ATP6V1C2: variants seen among roughly 807,000 people sequenced by gnomAD.
ATP6V1C2 encodes V-type proton ATPase subunit C 2.
In ATP6V1C2, 45 loss-of-function variants were observed where a neutral mutation model predicts 56.8. The observed-to-expected ratio is 0.79, with a 90% confidence interval of 0.62 to 1.02. ATP6V1C2 has a LOEUF of 1.02. Among genes scored for constraint, ATP6V1C2 ranks in the 50% least tolerant of loss-of-function variants. The pLI, the probability that ATP6V1C2 is intolerant of heterozygous loss-of-function variation, is 0.00. For missense variants in ATP6V1C2, 463 were observed against 519.7 expected (o/e 0.89, Z 1.06); for synonymous variants, 220 against 201.3 (o/e 1.09, Z -0.79).
chr2:10,779,856 A>C (rs1207920110), intron 12 of ATP6V1C2, among the ~76,000 whole-genome samples: 1 of 151,990 alleles, frequency 6.6e-6, no homozygotes, highest in Non-Finnish European at 1.5e-5. Flanking sequence ...ATGAATAGAT[A>C]CGTAATTCTT....
chr2:10,761,515 ACC>A lies in ATP6V1C2; in HGVS notation c.284-2815_284-2814del, dbSNP rs1374641881. 2.0e-5 allele frequency among the ~76,000 whole-genome samples: 3 copies of A among 152,270 alleles called. No individual in the cohort carries two copies. The East Asian group carries it at 5.8e-4, about 29-fold the overall frequency. ...GGTCATTCCCATTGTGTGTGGCAAT[ACC>A]AAAGCCTGTATTAATACCCAAACTA... On this transcript the variant is annotated intron_variant, in intron 4 of 13. Transcript: ENST00000272238.
chr2:10,767,159 C>CTTTTTTTTTTTT (rs33943682), intron 5 of ATP6V1C2, among the ~76,000 whole-genome samples: 76 of 109,284 alleles, frequency 7.0e-4, no homozygotes, highest in Middle Eastern at 7.4e-3. Flanking sequence ...CATTTTTTAT[C>CTTTTTTTTTTTT]TTTTTTTTTT....
At chr2:10,764,999 G>A (rs1471306391) in intron 5 of ATP6V1C2, among the ~76,000 whole-genome samples, 1 of 151,982 alleles carries the variant, frequency 6.6e-6, no homozygotes, top group East Asian at 1.9e-4. Context: ...AGTTACTGAT[G>A]GTGAAGGCAG....
At position 10,772,474 on chromosome 2, in the gene ATP6V1C2, C is replaced by T. The variant is rs935618008; in HGVS notation, c.570-68C>T. 25 of 1,344,442 alleles carry T rather than the reference C, an allele frequency of 1.9e-5. No individual in the cohort carries two copies. The African/African-American group carries it at 3.2e-4, about 17-fold the overall frequency. The allele number at this position is 1,344,442 out of a possible 1,614,324, so 83.3% of individuals were successfully genotyped here. A position where few individuals can be genotyped will look rare whatever the true frequency, so the allele number is the denominator to read the frequency against. The stretch of plus-strand genomic sequence containing the variant: ...CTTCAGGAAAAGGGGTGTGCAGCTT[C>T]CTAGGCACTCAGGACACCCACGAGC... On this transcript the variant is annotated intron_variant, in intron 7 of 13. Coordinates refer to ENST00000272238, the MANE Select transcript of ATP6V1C2 (RefSeq NM_001039362.2).
intron 8 of ATP6V1C2, among the ~76,000 whole-genome samples, chr2:10,774,193 G>A (rs1172580782): frequency 2.0e-5 from 3 of 152,244 alleles, no homozygotes; most frequent in Admixed American, 2.0e-4. Context: ...AACAGGAAGG[G>A]TGACCCTGCC....
At chr2:10,782,603 CG>C (rs1665437522) in intron 13 of ATP6V1C2, among the ~76,000 whole-genome samples, 1 of 151,832 alleles carries the variant, frequency 6.6e-6, no homozygotes, top group African/African-American at 2.4e-5. Flanking sequence ...GAGGCCAAGG[CG>C]GGTGGATCAC....
intron 10 of ATP6V1C2, among the ~76,000 whole-genome samples, chr2:10,776,980 T>A (rs1665034579): frequency 6.6e-6 from 1 of 152,226 alleles, no homozygotes; most frequent in Non-Finnish European, 1.5e-5. Context: ...TAGAAGTGCA[T>A]GACCAAACGT....
At chr2:10,744,246 C>T (rs1390090780) in intron 3 of ATP6V1C2, 2 of 152,094 alleles carry the variant, frequency 1.3e-5, no homozygotes, top group African/African-American at 4.8e-5. Flanking sequence ...CAGAACCAAC[C>T]CTTGCCTGCA....
intron 4 of ATP6V1C2, among the ~76,000 whole-genome samples, chr2:10,760,083 G>C (rs1013793117): frequency 7.2e-5 from 10 of 139,018 alleles, no homozygotes; most frequent in Non-Finnish European, 1.2e-4. Flanking sequence ...ATTTTAAAAA[G>C]CAAGATCTGG....
Position 10,754,109 on chromosome 2 carries a change from T to C in ATP6V1C2, c.283+43T>C, listed in dbSNP as rs538693888. On this transcript the variant is annotated intron_variant, in intron 4 of 13. Transcript: ENST00000272238. ...CTGATGTGGAGCACAATCTCCCCGC[T>C]CCCTCTAGACCAGAGTCGTCCTTGC... The C allele has an allele frequency of 3.2e-4, 492 of 1,518,760 alleles. 9 individuals carry two copies. The South Asian group carries it at 5.5e-3, about 17-fold the overall frequency. The allele number at this position is 1,518,760 out of a possible 1,614,324, so 94.1% of individuals were successfully genotyped here.
At chr2:10,739,674 G>A (rs1662440162) in intron 3 of ATP6V1C2, among the ~76,000 whole-genome samples, 1 of 152,108 alleles carries the variant, frequency 6.6e-6, no homozygotes, top group Admixed American at 6.6e-5. Flanking sequence ...GCATTCCACA[G>A]CCCACTATTA....
At chr2:10,726,590 T>C (rs1426711989) in intron 3 of ATP6V1C2, 21 bp downstream of exon 3, 1 of 1,590,628 alleles carries the variant, frequency 6.3e-7, no homozygotes, top group South Asian at 1.1e-5. Context: ...CCTTATTTAC[T>C]ACATACAAGT....
At chr2:10,764,210 C>T in intron 4 of ATP6V1C2, 121 bp from the exon 5 acceptor site, 2 of 822,280 alleles carry the variant, frequency 2.4e-6, no homozygotes, top group East Asian at 2.6e-5. Flanking sequence ...TGCCTGCCCG[C>T]CGGCGTTGCC....
chr2:10,734,999 AC>A (rs1263882130), intron 3 of ATP6V1C2, among the ~76,000 whole-genome samples: 1 of 151,938 alleles, frequency 6.6e-6, no homozygotes. Flanking sequence ...GTGGGAGGAT[AC>A]CCTGAGCCCG....
At chr2:10,764,138 C>T (rs902648768) in intron 4 of ATP6V1C2, among the ~76,000 whole-genome samples, 193 bp from the exon 5 acceptor site, 4 of 152,176 alleles carry the variant, frequency 2.6e-5, no homozygotes, top group African/African-American at 9.7e-5. Context: ...CTTGGGCTGA[C>T]AGCTCCCACT....
chr2:10,777,815 G>A, intron 11 of ATP6V1C2, 93 bp downstream of exon 11: 7 of 1,469,432 alleles, frequency 4.8e-6, no homozygotes, highest in Middle Eastern at 2.5e-4. Context: ...GCATTTTTCT[G>A]TTCTCTAATA....
At position 10,740,921 on chromosome 2, in the gene ATP6V1C2, A is replaced by G. The variant is rs1662516072; in HGVS notation, c.198-13060A>G. Among the ~76,000 whole-genome samples the G allele has an allele frequency of 2.0e-5, 3 of 152,210 alleles. No homozygotes were observed. In the South Asian group the frequency reaches 6.2e-4, roughly 32 times the overall value. On this transcript the variant is annotated intron_variant, in intron 3 of 13. Transcript: ENST00000272238. Reference sequence around the variant, plus strand: ...AGGCTGGTCTCAAACTCCCGACCTCAGGTGATCCGCCCGCCTTGGCCTCCC... The same window carrying G: ...AGGCTGGTCTCAAACTCCCGACCTCGGGTGATCCGCCCGCCTTGGCCTCCC...
intron 10 of ATP6V1C2, among the ~76,000 whole-genome samples, chr2:10,775,865 C>T (rs949960846): frequency 6.6e-6 from 1 of 152,162 alleles, no homozygotes; most frequent in Non-Finnish European, 1.5e-5. Context: ...GAGCACCTTC[C>T]AGTCCAGCCT....
intron 3 of ATP6V1C2, among the ~76,000 whole-genome samples, chr2:10,733,108 T>C (rs901847949): frequency 6.6e-6 from 1 of 152,316 alleles, no homozygotes; most frequent in East Asian, 1.9e-4. Flanking sequence ...AAAATCACTG[T>C]GCATTGTTTT....
Sources: allele counts gnomAD v4.1 joint callset (sites outside exome capture counted in the v4.1 genomes callset), GRCh38; gene constraint gnomAD v4.1.1; transcripts MANE v1.5; gene names NCBI Gene and HGNC (gene_info 2026-07-23, HGNC 2026-07-21).